FBP1: variants seen among roughly 807,000 people sequenced by gnomAD.
FBP1 encodes the protein fructose-bisphosphatase 1.
Under a neutral mutation model 29.9 loss-of-function variants are expected in FBP1, and 22 were observed. The ratio of observed to expected loss-of-function variants is 0.74; its 90% CI spans 0.53 to 1.05. The LOEUF (loss-of-function observed/expected upper bound fraction) is 1.05, where lower values mean the gene tolerates loss of function less well. Among genes scored for constraint, FBP1 ranks in the 50% least tolerant of loss-of-function variants. The pLI is 0.00. For missense variants in FBP1, 345 were observed against 448.2 expected (o/e 0.77, Z 2.08); for synonymous variants, 175 against 178.6 (o/e 0.98, Z 0.16).
intron 5 of FBP1, among the ~76,000 whole-genome samples, chr9:94,606,088 T>C (rs1416875116): frequency 6.6e-6 from 1 of 152,038 alleles, no homozygotes; most frequent in Non-Finnish European, 1.5e-5. Flanking sequence ...AAAGGAGAGA[T>C]GAGTAAGCTG....
At chr9:94,638,524 G>A (rs973780404) in intron 1 of FBP1, among the ~76,000 whole-genome samples, 1 of 152,034 alleles carries the variant, frequency 6.6e-6, no homozygotes, top group Admixed American at 6.6e-5. Flanking sequence ...GCACAGCATG[G>A]CAACTGTCCC....
intron 1 of FBP1, among the ~76,000 whole-genome samples, chr9:94,629,380 T>C (rs1828070557): frequency 2.0e-5 from 3 of 152,142 alleles, no homozygotes; most frequent in Admixed American, 6.5e-5. Context: ...GCTGTTGATA[T>C]GGGGGCGCTT....
Position 94,610,051 on chromosome 9 carries a change from T to C in FBP1, c.437A>G (p.Asp146Gly), listed in dbSNP as rs756620962. 2.5e-6 allele frequency: 4 copies of C among 1,614,194 alleles called. No individual in the cohort carries two copies. In the Admixed American group the frequency reaches 6.7e-5, roughly 27 times the overall value. The change falls in exon 4 of 7, where the codon GAT becomes GGT. Residue 146 changes from aspartate to glycine, a missense_variant. Transcript: ENST00000375326. ...IFGIYRKKST[D>G]EPSEKDALQP... ...CAGAGCATCCTTCTCAGAAGGCTCA[T>C]CAGTTGATTTCTAGAGCAAGAAAGA...
chr9:94,628,062 T>C (rs928026396), intron 1 of FBP1, among the ~76,000 whole-genome samples: 1 of 152,212 alleles, frequency 6.6e-6, no homozygotes, highest in Admixed American at 6.5e-5. Context: ...AGTGACTTGA[T>C]CTGCCAAGGA....
chr9:94,633,937 A>T (rs1828149922), intron 1 of FBP1, among the ~76,000 whole-genome samples: 1 of 150,496 alleles, frequency 6.6e-6, no homozygotes. Flanking sequence ...CGATCTCCTG[A>T]CCTCGTGATC....
At chr9:94,637,384 C>T (rs868209565) in intron 1 of FBP1, among the ~76,000 whole-genome samples, 27 of 148,974 alleles carry the variant, frequency 1.8e-4, no homozygotes, top group African/African-American at 6.4e-4. Flanking sequence ...CAGGTCAGCT[C>T]TGAGCATCAT....
chr9:94,629,646 G>A (rs932855414), intron 1 of FBP1, among the ~76,000 whole-genome samples: 1 of 152,120 alleles, frequency 6.6e-6, no homozygotes, highest in Non-Finnish European at 1.5e-5. Context: ...CCCCACTCCT[G>A]GGGAGGTAGG....
intron 1 of FBP1, among the ~76,000 whole-genome samples, chr9:94,635,785 A>T (rs912780846): frequency 6.6e-6 from 1 of 152,186 alleles, no homozygotes; most frequent in African/African-American, 2.4e-5. Flanking sequence ...GCTAGTAAAA[A>T]CCAAAGTGCC....
At chr9:94,638,421 A>G (rs2131508431) in intron 1 of FBP1, among the ~76,000 whole-genome samples, 1 of 152,212 alleles carries the variant, frequency 6.6e-6, no homozygotes, top group South Asian at 2.1e-4. Flanking sequence ...TCTACAAACC[A>G]CTTTTGAGCT....
intron 1 of FBP1, among the ~76,000 whole-genome samples, chr9:94,627,188 CAA>C (rs764985242): frequency 0.12 from 13,337 of 112,492 alleles, 695 homozygotes; most frequent in African/African-American, 0.18. Context: ...AACTCCATCT[CAA>C]AAAAAAAAAA....
At chr9:94,610,866 CTTTTTTT>C (rs5899227) in intron 3 of FBP1, among the ~76,000 whole-genome samples, 1 of 143,876 alleles carries the variant, frequency 7.0e-6, no homozygotes, top group Admixed American at 7.0e-5. Context: ...TGATTTTCTT[CTTTTTTT>C]TTTTTTTTGA....
intron 1 of FBP1, among the ~76,000 whole-genome samples, chr9:94,629,235 C>T (rs1587865627): frequency 6.6e-6 from 1 of 152,302 alleles, no homozygotes; most frequent in Middle Eastern, 3.4e-3. Flanking sequence ...CCATCTTGGC[C>T]TCCCAAAGTG....
chr9:94,615,055 C>T (rs1827843182), intron 3 of FBP1, among the ~76,000 whole-genome samples: 2 of 152,176 alleles, frequency 1.3e-5, no homozygotes, highest in Admixed American at 6.5e-5. Context: ...ACTACAGGGG[C>T]CTGCCACCAC....
chr9:94,604,486 T>TAAAAA lies in FBP1; in HGVS notation c.826-919_826-915dup, dbSNP rs5899226. Among the ~76,000 whole-genome samples the TAAAAA allele has an allele frequency of 2.0e-3, 286 of 143,478 alleles. 1 individual carries two copies. Among genetic ancestry groups the TAAAAA allele is most frequent in the African/African-American group, 6.6e-3 (251 of 38,222 alleles). 94.1% of individuals were successfully genotyped at this position (143,478 alleles called of 152,430 possible). A position where few individuals can be genotyped will look rare whatever the true frequency, so the allele number is the denominator to read the frequency against. On this transcript the variant is annotated intron_variant, in intron 6 of 6. Coordinates refer to ENST00000375326, the MANE Select transcript of FBP1 (RefSeq NM_000507.4). ...TGTTGTTCCTGTTCTCCTCTTGCATTAAAAAAAAAAAAGGCAGCCACGCGT... is the reference window on the plus strand; with the variant it reads ...TGTTGTTCCTGTTCTCCTCTTGCATTAAAAAAAAAAAAAAAAAGGCAGCCACGCGT...
intron 1 of FBP1, among the ~76,000 whole-genome samples, chr9:94,633,952 C>T (rs952768304): frequency 3.3e-5 from 5 of 150,944 alleles, no homozygotes; most frequent in African/African-American, 9.7e-5. Context: ...GTGATCCGCC[C>T]GACTCGGCCT....
Position 94,639,315 on chromosome 9 carries a change from G to C in FBP1, c.-5C>G. On this transcript the variant is annotated 5_prime_UTR_variant, in exon 1 of 7. Transcript: ENST00000375326. Reference sequence around the variant, plus strand: ...GAAGGGCGCCTGGTCAGCCATGCTTGAACCGGGTAGAGCGCGGGGCTGCAG... The same window carrying C: ...GAAGGGCGCCTGGTCAGCCATGCTTCAACCGGGTAGAGCGCGGGGCTGCAG... The C allele has an allele frequency of 6.2e-7, 1 of 1,605,350 alleles. No individual in the cohort carries two copies. Among genetic ancestry groups the C allele is most frequent in the Non-Finnish European group, 8.5e-7 (1 of 1,176,166 alleles).
chr9:94,638,086 CAAAA>C (rs11308338), intron 1 of FBP1, among the ~76,000 whole-genome samples: 3 of 110,212 alleles, frequency 2.7e-5, no homozygotes, highest in Non-Finnish European at 5.8e-5. Context: ...AATTCCATCT[CAAAA>C]AAAAAAAAAA....
At chr9:94,604,010 G>T in intron 6 of FBP1, 1 of 298,926 alleles carries the variant, frequency 3.3e-6, no homozygotes, top group Non-Finnish European at 6.5e-6. Context: ...AAGCAGACCG[G>T]CTCCTCCAAA....
In FBP1 at chr9:94,605,575, T is replaced by C. The variant is rs1387961436; in HGVS notation, c.707A>G (p.Asp236Gly). 6.2e-7 allele frequency: 1 copy of C among 1,613,830 alleles called. No homozygotes were observed. Among genetic ancestry groups the C allele is most frequent in the Admixed American group, 1.7e-5 (1 of 59,978 alleles). Residue 236 changes from aspartate to glycine, a missense_variant and splice_region_variant, in exon 6 of 7, where the codon GAT (aspartate) becomes GGT (glycine). Physicochemically the swap from Asp to Gly is moderately conservative, Grantham distance 94 (BLOSUM62 -1). Transcript: ENST00000375326. ...EYIQRKKFPP[D>G]NSAPYGARYV... ...CCGGGCCCCATAAGGAGCTGAATTATCCTGCAAGTTAAGACCAGCAAGAAT... is the reference window on the plus strand; with the variant it reads ...CCGGGCCCCATAAGGAGCTGAATTACCCTGCAAGTTAAGACCAGCAAGAAT...
Sources: gnomAD v4.1 joint callset for allele counts (sites outside exome capture counted in the v4.1 genomes callset) on GRCh38, gnomAD v4.1.1 for gene constraint, MANE v1.5 for transcripts, NCBI Gene and HGNC (gene_info 2026-07-23, HGNC 2026-07-21) for gene names.